Variants in PTCHD4 observed in about 807,000 individuals in gnomAD.
PTCHD4 encodes the protein patched domain-containing protein 4.
Under a neutral mutation model 58.1 loss-of-function variants are expected in PTCHD4, and 33 were observed. That is an observed-to-expected ratio of 0.57 (90% CI 0.43 to 0.76). The LOEUF (loss-of-function observed/expected upper bound fraction) is 0.76, where lower values mean the gene tolerates loss of function less well. Ranked by LOEUF, PTCHD4 falls within the 30% of genes least tolerant of loss-of-function variation. The pLI is 0.00. For synonymous variants in PTCHD4, 478 were observed against 409.6 expected (o/e 1.17, Z -2.02); for missense variants, 1,058 against 1,027.1 (o/e 1.03, Z -0.41).
chr6:47,871,100 G>C lies in PTCHD4; in HGVS notation c.*7203C>G, dbSNP rs1477183264. Among the ~76,000 whole-genome samples, 2 of 151,540 alleles carry C rather than the reference G, an allele frequency of 1.3e-5. No individual in the cohort carries two copies. The highest frequency in any genetic ancestry group is 4.8e-5 in the African/African-American group (2 of 41,358). On this transcript the variant is annotated 3_prime_UTR_variant, in exon 5 of 5. Coordinates refer to ENST00000339488, the MANE Select transcript of PTCHD4 (RefSeq NM_001384253.1). ...AACAAGTGGGTTTTGTTTTAGGAAAGAAAATAAAAATGCTCAACTTTTACT... is the reference window on the plus strand; with the variant it reads ...AACAAGTGGGTTTTGTTTTAGGAAACAAAATAAAAATGCTCAACTTTTACT...
At chr6:48,025,521 C>T (rs1763214603) in intron 3 of PTCHD4, among the ~76,000 whole-genome samples, 1 of 151,986 alleles carries the variant, frequency 6.6e-6, no homozygotes. Context: ...ACTATGTCAC[C>T]CCATATGAAT....
At chr6:48,092,325 A>T (rs1355162285) in intron 1 of PTCHD4, among the ~76,000 whole-genome samples, 1 of 152,202 alleles carries the variant, frequency 6.6e-6, no homozygotes, top group Middle Eastern at 3.2e-3. Flanking sequence ...TATCTTCTCC[A>T]CTGGCCTTAC....
chr6:47,893,849 G>A (rs1325198088), intron 4 of PTCHD4, among the ~76,000 whole-genome samples: 2 of 152,116 alleles, frequency 1.3e-5, no homozygotes, highest in Non-Finnish European at 2.9e-5. Context: ...TGTCTTTTTT[G>A]TCTTTAGAAG....
At chr6:48,019,283 C>T (rs544397662) in intron 3 of PTCHD4, among the ~76,000 whole-genome samples, 5 of 151,814 alleles carry the variant, frequency 3.3e-5, no homozygotes, top group Non-Finnish European at 5.9e-5. Context: ...TGTGCTATAC[C>T]GCTATCGAGG....
chr6:47,903,095 A>G (rs934013516), intron 4 of PTCHD4, among the ~76,000 whole-genome samples: 3 of 152,222 alleles, frequency 2.0e-5, no homozygotes, highest in Non-Finnish European at 2.9e-5. Flanking sequence ...GAGATAGTTT[A>G]GAAGGAAAGA....
At chr6:47,983,595 A>G (rs1767962671) in intron 4 of PTCHD4, among the ~76,000 whole-genome samples, 1 of 152,212 alleles carries the variant, frequency 6.6e-6, no homozygotes, top group African/African-American at 2.4e-5. Context: ...GACAAAACTC[A>G]GTCTTTGTGT....
intron 4 of PTCHD4, among the ~76,000 whole-genome samples, chr6:48,005,207 G>A (rs747325970): frequency 6.6e-6 from 1 of 152,192 alleles, no homozygotes; most frequent in Non-Finnish European, 1.5e-5. Context: ...AGGCAAGATA[G>A]GCAGTCGAAG....
chr6:47,938,248 A>G (rs1185661315), intron 4 of PTCHD4, among the ~76,000 whole-genome samples: 1 of 152,220 alleles, frequency 6.6e-6, no homozygotes, highest in Non-Finnish European at 1.5e-5. Context: ...CTGAGGATTA[A>G]TCATTGAATT....
At chr6:47,894,716 A>G (rs1764481819) in intron 4 of PTCHD4, among the ~76,000 whole-genome samples, 1 of 152,270 alleles carries the variant, frequency 6.6e-6, no homozygotes, top group Non-Finnish European at 1.5e-5. Flanking sequence ...AATGAAGTCA[A>G]TCATGATAAC....
chr6:47,951,310 G>A (rs767340664), intron 4 of PTCHD4, among the ~76,000 whole-genome samples: 30 of 152,190 alleles, frequency 2.0e-4, no homozygotes, highest in Non-Finnish European at 4.3e-4. Context: ...GGGGCATTGG[G>A]AGAAGTGGCT....
At chr6:47,934,193 G>A (rs1261551009) in intron 4 of PTCHD4, among the ~76,000 whole-genome samples, 2 of 152,142 alleles carry the variant, frequency 1.3e-5, no homozygotes, top group Non-Finnish European at 2.9e-5. Flanking sequence ...GAGGAGCCGG[G>A]ACCCTCCTCT....
chr6:48,028,871 T>C lies in PTCHD4; in HGVS notation c.418-19757A>G, dbSNP rs150050264. Among the ~76,000 whole-genome samples, 135 of 152,206 alleles carry C rather than the reference T, an allele frequency of 8.9e-4. 1 individual carries two copies. The highest frequency in any genetic ancestry group is 3.4e-3 in the Middle Eastern group (1 of 294). ...TTTACCTCAAACTAACTTTGAGATT[T>C]CTCAGGTGGCCCCCAGAAAATCTCA... On this transcript the variant is annotated intron_variant, in intron 3 of 4. Transcript: ENST00000339488.
intron 3 of PTCHD4, among the ~76,000 whole-genome samples, chr6:48,057,191 T>C (rs9473221): frequency 6.7e-6 from 1 of 148,718 alleles, no homozygotes; most frequent in African/African-American, 2.5e-5. Flanking sequence ...TTTTTTTTTG[T>C]TTTTTTTGTT....
At chr6:48,023,557 C>A (rs1763140672) in intron 3 of PTCHD4, among the ~76,000 whole-genome samples, 1 of 152,208 alleles carries the variant, frequency 6.6e-6, no homozygotes, top group East Asian at 1.9e-4. Context: ...TATAAATATC[C>A]CTCCTAATTG....
chr6:47,994,401 A>G (rs1768400442), intron 4 of PTCHD4, among the ~76,000 whole-genome samples: 1 of 152,214 alleles, frequency 6.6e-6, no homozygotes, highest in Non-Finnish European at 1.5e-5. Context: ...TAGGCCCTCT[A>G]CTAGTTGCCT....
chr6:48,009,236 T>A, intron 3 of PTCHD4, 122 bp from the exon 4 acceptor site: 1 of 1,070,740 alleles, frequency 9.3e-7, no homozygotes, highest in Non-Finnish European at 1.3e-6. Flanking sequence ...GAAACTGATG[T>A]GGGTGGAGAG....
chr6:47,997,317 C>A (rs547283168), intron 4 of PTCHD4, among the ~76,000 whole-genome samples: 20 of 152,018 alleles, frequency 1.3e-4, no homozygotes, highest in Admixed American at 9.2e-4. Context: ...GTAAAATTAT[C>A]TAATTTTCCT....
At chr6:47,894,905 G>T (rs932596713) in intron 4 of PTCHD4, among the ~76,000 whole-genome samples, 2 of 152,250 alleles carry the variant, frequency 1.3e-5, no homozygotes, top group Non-Finnish European at 2.9e-5. Context: ...GCTGAGGCAG[G>T]TGGATCATCT....
At position 47,858,470 on chromosome 6, in the gene PTCHD4, C is replaced by T. The variant is rs1763348296; in HGVS notation, c.*19833G>A. Among the ~76,000 whole-genome samples the T allele has an allele frequency of 6.6e-6, 1 of 151,934 alleles. No individual in the cohort carries two copies. Among genetic ancestry groups the T allele is most frequent in the African/African-American group, 2.4e-5 (1 of 41,410 alleles). ...ATGGAAATAAAAGTTATCACATCTC[C>T]CAAACAACTATCATTTATGATACTT... is the stretch of plus-strand genomic sequence containing the variant. On this transcript the variant is annotated 3_prime_UTR_variant, in exon 5 of 5. Transcript: ENST00000339488.
Sources: gnomAD v4.1 joint callset for allele counts (sites outside exome capture counted in the v4.1 genomes callset) on GRCh38, gnomAD v4.1.1 for gene constraint, MANE v1.5 for transcripts, NCBI Gene and HGNC (gene_info 2026-07-23, HGNC 2026-07-21) for gene names.